Variants in GRM7 observed in about 807,000 individuals in gnomAD.
The protein encoded by GRM7 is glutamate metabotropic receptor 7, also known as metabotropic glutamate receptor 7.
GRM7 carries 35 observed loss-of-function variants against 84.5 expected under a neutral mutation model. That is an observed-to-expected ratio of 0.41 (90% CI 0.32 to 0.55). The LOEUF (loss-of-function observed/expected upper bound fraction) is 0.55, where lower values mean the gene tolerates loss of function less well. Ranked by LOEUF, GRM7 falls within the 20% of genes least tolerant of loss-of-function variation. The probability of loss-of-function intolerance (pLI) is 0.19; values close to 1 mark genes in which losing one functional copy is unlikely to be tolerated. For synonymous variants in GRM7, 487 were observed against 455.1 expected (o/e 1.07, Z -0.89); for missense variants, 1,003 against 1,194.6 (o/e 0.84, Z 2.36).
intron 9 of GRM7, among the ~76,000 whole-genome samples, chr3:7,695,899 A>ACTTAT (rs1700996952): frequency 6.6e-6 from 1 of 152,198 alleles, no homozygotes; most frequent in Non-Finnish European, 1.5e-5. Flanking sequence ...GCCACTGGAT[A>ACTTAT]CCTGTGGCTA....
At chr3:6,935,377 T>C (rs542723922) in intron 1 of GRM7, among the ~76,000 whole-genome samples, 37 of 151,990 alleles carry the variant, frequency 2.4e-4, no homozygotes, top group Admixed American at 2.3e-3. Flanking sequence ...AGGAAGTCTA[T>C]GTATTAACAT....
At chr3:6,998,293 T>C (rs906990903) in intron 1 of GRM7, among the ~76,000 whole-genome samples, 2 of 152,034 alleles carry the variant, frequency 1.3e-5, no homozygotes, top group Non-Finnish European at 2.9e-5. Context: ...AGCTTAGAAA[T>C]AATCTCCTTT....
At chr3:7,138,315 T>C (rs1163412255) in intron 1 of GRM7, among the ~76,000 whole-genome samples, 2 of 151,998 alleles carry the variant, frequency 1.3e-5, no homozygotes, top group Non-Finnish European at 2.9e-5. Context: ...CGTTAGACCC[T>C]TTTTATCACT....
At chr3:7,312,462 G>C (rs1000021716) in intron 4 of GRM7, among the ~76,000 whole-genome samples, 1 of 152,276 alleles carries the variant, frequency 6.6e-6, no homozygotes, top group South Asian at 2.1e-4. Context: ...ATGTGGGAAA[G>C]TGTCCCTGGG....
intron 4 of GRM7, among the ~76,000 whole-genome samples, chr3:7,345,658 T>C (rs948067587): frequency 1.3e-5 from 2 of 152,076 alleles, no homozygotes; most frequent in Non-Finnish European, 2.9e-5. Flanking sequence ...ATATAATAAA[T>C]ACATATTTGA....
intron 9 of GRM7, among the ~76,000 whole-genome samples, chr3:7,700,174 C>A (rs533594204): frequency 5.9e-4 from 90 of 152,268 alleles, no homozygotes; most frequent in Non-Finnish European, 1.1e-3. Flanking sequence ...AAGACAACAA[C>A]CTGCTTTCAA....
intron 1 of GRM7, among the ~76,000 whole-genome samples, chr3:6,986,737 T>A (rs1694426257): frequency 6.6e-6 from 1 of 152,192 alleles, no homozygotes; most frequent in Non-Finnish European, 1.5e-5. Context: ...CCCCTGTATC[T>A]AAGCAGTGGC....
intron 2 of GRM7, among the ~76,000 whole-genome samples, chr3:7,280,355 G>T (rs2124994388): frequency 6.6e-6 from 1 of 152,308 alleles, no homozygotes; most frequent in Non-Finnish European, 1.5e-5. Flanking sequence ...CCTGGTAACA[G>T]TTTTCTCATT....
chr3:7,331,605 C>T (rs1003704405), intron 4 of GRM7, among the ~76,000 whole-genome samples: 8 of 152,132 alleles, frequency 5.3e-5, no homozygotes, highest in Admixed American at 3.9e-4. Context: ...CACCTGAAAC[C>T]CTGAAGCTTG....
At chr3:6,960,906 C>T (rs1451303750) in intron 1 of GRM7, among the ~76,000 whole-genome samples, 2 of 152,142 alleles carry the variant, frequency 1.3e-5, no homozygotes, top group African/African-American at 4.8e-5. Context: ...AAAACACAGG[C>T]CAACAAAATG....
At chr3:6,982,612 G>T (rs910567884) in intron 1 of GRM7, among the ~76,000 whole-genome samples, 1 of 139,242 alleles carries the variant, frequency 7.2e-6, no homozygotes, top group Non-Finnish European at 1.6e-5. Flanking sequence ...CAACTCAAAA[G>T]AAAAAAAAAA....
At chr3:7,262,330 G>A (rs1282107912) in intron 2 of GRM7, among the ~76,000 whole-genome samples, 1 of 151,878 alleles carries the variant, frequency 6.6e-6, no homozygotes, top group Non-Finnish European at 1.5e-5. Flanking sequence ...ATGTTTGACT[G>A]TCTTATTTCA....
At chr3:6,970,938 T>C (rs478556) in intron 1 of GRM7, among the ~76,000 whole-genome samples, 140,651 of 152,098 alleles carry the variant, frequency 0.92, 65,189 homozygotes, top group East Asian at 1. Flanking sequence ...GCCAAGATCG[T>C]ACGACTACAC....
chr3:7,704,600 A>C (rs980880101), intron 9 of GRM7, among the ~76,000 whole-genome samples: 1 of 152,230 alleles, frequency 6.6e-6, no homozygotes, highest in Non-Finnish European at 1.5e-5. Flanking sequence ...ACGATATTTT[A>C]ATTTGTTGAA....
intron 1 of GRM7, among the ~76,000 whole-genome samples, chr3:6,912,392 T>C (rs1204507985): frequency 6.6e-6 from 1 of 152,132 alleles, no homozygotes; most frequent in Non-Finnish European, 1.5e-5. Flanking sequence ...AGGAAACTTG[T>C]TTCTAGCAAC....
chr3:7,432,634 TAAA>T (rs71625343), intron 5 of GRM7, among the ~76,000 whole-genome samples: 2 of 145,708 alleles, frequency 1.4e-5, no homozygotes, highest in Non-Finnish European at 3.0e-5. Context: ...GCATCTAGTT[TAAA>T]AAAAAAAAAA....
At chr3:7,707,055 G>A (rs562704356) in intron 9 of GRM7, among the ~76,000 whole-genome samples, 1 of 152,310 alleles carries the variant, frequency 6.6e-6, no homozygotes, top group Non-Finnish European at 1.5e-5. Flanking sequence ...GCATTGAAAT[G>A]AGAGTATAAG....
At chr3:7,340,816 A>G (rs1046177929) in intron 4 of GRM7, among the ~76,000 whole-genome samples, 7 of 152,152 alleles carry the variant, frequency 4.6e-5, no homozygotes, top group Admixed American at 3.9e-4. Flanking sequence ...AGTGAAATCA[A>G]TGTTCTGTCA....
At chr3:6,894,471 TA>T (rs1223939428) in intron 1 of GRM7, among the ~76,000 whole-genome samples, 3 of 152,156 alleles carry the variant, frequency 2.0e-5, no homozygotes, top group African/African-American at 4.8e-5. Context: ...GTTTCTATCC[TA>T]AAAATGCTAG....
Sources: allele counts gnomAD v4.1 joint callset (sites outside exome capture counted in the v4.1 genomes callset), GRCh38; gene constraint gnomAD v4.1.1; transcripts MANE v1.5; gene names NCBI Gene and HGNC (gene_info 2026-07-23, HGNC 2026-07-21).